Variants in WWOX observed in about 807,000 individuals in gnomAD.
The protein encoded by WWOX is WW domain-containing oxidoreductase.
Under a neutral mutation model 46.2 loss-of-function variants are expected in WWOX, and 69 were observed. The observed-to-expected ratio is 1.49, with a 90% CI of 1.23 to 1.82. The LOEUF (loss-of-function observed/expected upper bound fraction) is 1.82. Among genes scored for constraint, WWOX ranks in the 40% most tolerant of loss-of-function variants. The pLI is 0.00. For missense variants in WWOX, 919 were observed against 542.6 expected, an observed-to-expected ratio of 1.69 and a Z score of -6.89; for synonymous variants, 359 against 202.6, an observed-to-expected ratio of 1.77 and a Z score of -6.56.
intron 8 of WWOX, among the ~76,000 whole-genome samples, chr16:78,738,041 A>G (rs570231379): frequency 2.6e-5 from 4 of 152,318 alleles, no homozygotes; most frequent in African/African-American, 9.6e-5. Context: ...TGTGGCCATA[A>G]GCAAGTCAAG....
At chr16:78,469,871 C>A (rs936191876) in intron 8 of WWOX, among the ~76,000 whole-genome samples, 1 of 152,160 alleles carries the variant, frequency 6.6e-6, no homozygotes, top group Non-Finnish European at 1.5e-5. Flanking sequence ...TAAGACAAAC[C>A]GATATCTGTA....
At chr16:78,802,010 A>T (rs1178852972) in intron 8 of WWOX, among the ~76,000 whole-genome samples, 1 of 152,128 alleles carries the variant, frequency 6.6e-6, no homozygotes, top group African/African-American at 2.4e-5. Context: ...GAAAGGGCCT[A>T]TCCCAGAGGC....
rs2083042374 is a variant in WWOX, at chr16:78,424,973, T to A, written c.709T>A (p.Phe237Ile). 1 of 1,614,084 alleles carries A rather than the reference T, an allele frequency of 6.2e-7. No homozygotes were observed. The highest frequency in any genetic ancestry group is 8.5e-7 in the Non-Finnish European group (1 of 1,180,054). Residue 237 changes from phenylalanine to isoleucine, a missense_variant, in exon 7 of 9, where the codon TTC (phenylalanine) becomes ATC (isoleucine). Physicochemically the swap from Phe to Ile is conservative, Grantham distance 21 (BLOSUM62 0). Transcript: ENST00000566780. ...CTTTCAAGTGAATCATCTGGGGCAC[T>A]TCTACCTTGTCCAGCTCCTCCAGGA... Reference protein sequence around the residue: ...TTFQVNHLGHFYLVQLLQDVL... With the variant: ...TTFQVNHLGHIYLVQLLQDVL...
chr16:78,495,385 CCCG>C (rs2084891273), intron 8 of WWOX, among the ~76,000 whole-genome samples: 1 of 151,938 alleles, frequency 6.6e-6, no homozygotes, highest in South Asian at 2.1e-4. Context: ...AGGTGATCTG[CCCG>C]CCTTGGCCTC....
intron 5 of WWOX, among the ~76,000 whole-genome samples, chr16:78,383,142 G>A (rs2081991262): frequency 6.6e-6 from 1 of 151,348 alleles, no homozygotes; most frequent in African/African-American, 2.4e-5. Context: ...CTCCCACCAG[G>A]CCCCACCTCC....
intron 8 of WWOX, among the ~76,000 whole-genome samples, chr16:78,802,495 A>C (rs1228690829): frequency 6.6e-6 from 1 of 152,204 alleles, no homozygotes; most frequent in Non-Finnish European, 1.5e-5. Context: ...AAATTTTACC[A>C]GAACTTAAAT....
chr16:78,435,190 C>G (rs1161632043), intron 8 of WWOX, among the ~76,000 whole-genome samples: 2 of 152,044 alleles, frequency 1.3e-5, no homozygotes, highest in African/African-American at 4.8e-5. Context: ...GGCAGAGGGA[C>G]TACCATGTCG....
At chr16:78,560,048 GTACTT>G (rs1289713840) in intron 8 of WWOX, among the ~76,000 whole-genome samples, 1 of 152,134 alleles carries the variant, frequency 6.6e-6, no homozygotes, top group Non-Finnish European at 1.5e-5. Flanking sequence ...CTTTTTTAGT[GTACTT>G]TTGGTTGTTA....
chr16:78,572,093 G>A (rs1340096063), intron 8 of WWOX, among the ~76,000 whole-genome samples: 2 of 152,176 alleles, frequency 1.3e-5, no homozygotes, highest in African/African-American at 4.8e-5. Flanking sequence ...ATGCCTTAGA[G>A]AAACTGTTGA....
At chr16:78,430,223 C>T (rs991282296) in intron 7 of WWOX, among the ~76,000 whole-genome samples, 7 of 152,080 alleles carry the variant, frequency 4.6e-5, no homozygotes, top group Admixed American at 2.6e-4. Flanking sequence ...TATTCACTAC[C>T]ATGAGAACAG....
intron 8 of WWOX, among the ~76,000 whole-genome samples, chr16:78,783,532 C>T (rs1293477659): frequency 6.6e-6 from 1 of 152,182 alleles, no homozygotes; most frequent in Non-Finnish European, 1.5e-5. Context: ...TGGGAGAGGC[C>T]AGAATGGGCC....
At chr16:78,621,746 A>G (rs2046194244) in intron 8 of WWOX, among the ~76,000 whole-genome samples, 1 of 151,290 alleles carries the variant, frequency 6.6e-6, no homozygotes, top group South Asian at 2.1e-4. Flanking sequence ...CTGGGACTAC[A>G]GGCACTCACC....
intron 8 of WWOX, among the ~76,000 whole-genome samples, chr16:79,011,110 G>C (rs1414564059): frequency 6.8e-6 from 1 of 148,110 alleles, no homozygotes; most frequent in Admixed American, 6.8e-5. Flanking sequence ...GATATGTATG[G>C]TTACATATCT....
intron 5 of WWOX, among the ~76,000 whole-genome samples, chr16:78,243,095 C>A (rs1567452959): frequency 6.6e-6 from 1 of 152,138 alleles, no homozygotes; most frequent in Non-Finnish European, 1.5e-5. Flanking sequence ...CATTCTTCCA[C>A]TGTCATCCCA....
intron 8 of WWOX, among the ~76,000 whole-genome samples, chr16:79,156,017 A>G (rs2050374742): frequency 6.6e-6 from 1 of 152,160 alleles, no homozygotes; most frequent in South Asian, 2.1e-4. Flanking sequence ...ATTAAAAGAG[A>G]AAAATAGTTA....
At chr16:78,819,786 T>G (rs746104284) in intron 8 of WWOX, among the ~76,000 whole-genome samples, 1 of 152,200 alleles carries the variant, frequency 6.6e-6, no homozygotes, top group Non-Finnish European at 1.5e-5. Context: ...AGCATTTTCA[T>G]CCGTAAACAA....
At chr16:78,839,023 G>A (rs556870742) in intron 8 of WWOX, among the ~76,000 whole-genome samples, 12 of 152,090 alleles carry the variant, frequency 7.9e-5, no homozygotes, top group Non-Finnish European at 1.8e-4. Context: ...TTGTGAAATC[G>A]TACTAGAGTT....
chr16:78,112,510 C>T (rs1208649110), intron 3 of WWOX, among the ~76,000 whole-genome samples: 1 of 152,120 alleles, frequency 6.6e-6, no homozygotes, highest in Non-Finnish European at 1.5e-5. Context: ...AGAAGTCTCC[C>T]AGGCCACCAT....
At chr16:78,953,248 A>T (rs940308691) in intron 8 of WWOX, among the ~76,000 whole-genome samples, 1 of 151,100 alleles carries the variant, frequency 6.6e-6, no homozygotes, top group Admixed American at 6.6e-5. Context: ...TCCTTGGTCT[A>T]TATAGGATAA....
Sources: gnomAD v4.1 joint callset for allele counts (sites outside exome capture counted in the v4.1 genomes callset) on GRCh38, gnomAD v4.1.1 for gene constraint, MANE v1.5 for transcripts, NCBI Gene and HGNC (gene_info 2026-07-23, HGNC 2026-07-21) for gene names.